PTPRA: variants seen among roughly 807,000 people sequenced by gnomAD.
The protein encoded by PTPRA is protein tyrosine phosphatase receptor type A.
In PTPRA, 25 loss-of-function variants were observed where a neutral mutation model predicts 104.8. The observed-to-expected ratio is 0.24, with a 90% CI of 0.17 to 0.33. The LOEUF (loss-of-function observed/expected upper bound fraction) is 0.33, where lower values mean the gene tolerates loss of function less well. Among genes scored for constraint, PTPRA ranks in the 10% least tolerant of loss-of-function variants. The pLI, the probability that PTPRA is intolerant of heterozygous loss-of-function variation, is 1.00. For missense variants in PTPRA, 765 were observed against 1,015.3 expected, an observed-to-expected ratio of 0.75 and a Z score of 3.35; for synonymous variants, 323 against 368.9, an observed-to-expected ratio of 0.88 and a Z score of 1.43.
At chr20:2,932,508 T>G (rs1399878545) in intron 2 of PTPRA, among the ~76,000 whole-genome samples, 2 of 152,100 alleles carry the variant, frequency 1.3e-5, no homozygotes, top group Non-Finnish European at 2.9e-5. Flanking sequence ...TGCATAATTT[T>G]AGGGGAAAGA....
chr20:3,006,321 G>A (rs985193116), intron 10 of PTPRA, among the ~76,000 whole-genome samples: 1 of 152,050 alleles, frequency 6.6e-6, no homozygotes, highest in African/African-American at 2.4e-5. Flanking sequence ...TGAGTAACTA[G>A]AACTACAGGT....
chr20:2,890,414 A>G (rs1323911561), intron 1 of PTPRA, among the ~76,000 whole-genome samples: 1 of 152,180 alleles, frequency 6.6e-6, no homozygotes, highest in African/African-American at 2.4e-5. Context: ...AAATGGGTTC[A>G]GCTGTAGTAC....
intron 5 of PTPRA, among the ~76,000 whole-genome samples, chr20:2,971,115 A>AGT (rs2062168582): frequency 1.3e-5 from 2 of 152,170 alleles, no homozygotes; most frequent in African/African-American, 4.8e-5. Flanking sequence ...TATCCAGTAA[A>AGT]ATGAGTCATT....
At chr20:3,010,570 G>T (rs910370893) in intron 11 of PTPRA, among the ~76,000 whole-genome samples, 2 of 152,140 alleles carry the variant, frequency 1.3e-5, no homozygotes, top group Non-Finnish European at 2.9e-5. Flanking sequence ...GGAGCTTGCA[G>T]TGAGCCGAGA....
At chr20:2,959,925 TG>T (rs2061686546) in intron 3 of PTPRA, among the ~76,000 whole-genome samples, 2 of 152,088 alleles carry the variant, frequency 1.3e-5, no homozygotes, top group African/African-American at 4.8e-5. Context: ...CACTCCAGCC[TG>T]GGCAACAGAG....
intron 1 of PTPRA, among the ~76,000 whole-genome samples, chr20:2,904,194 T>G (rs1035037824): frequency 1.3e-5 from 2 of 152,304 alleles, no homozygotes; most frequent in East Asian, 3.9e-4. Flanking sequence ...ATTACAGTTA[T>G]GAGCCATGGC....
At chr20:2,967,917 T>C (rs865856130) in intron 5 of PTPRA, among the ~76,000 whole-genome samples, 7 of 152,194 alleles carry the variant, frequency 4.6e-5, no homozygotes, top group African/African-American at 1.7e-4. Context: ...TCAAAACAGC[T>C]TTCTACAAAG....
intron 1 of PTPRA, among the ~76,000 whole-genome samples, chr20:2,901,127 C>T (rs1473674835): frequency 6.6e-6 from 1 of 151,944 alleles, no homozygotes; most frequent in East Asian, 2.0e-4. Context: ...CGCGACACCA[C>T]ACCTCGCTAA....
chr20:3,018,950 T>C (rs2064645943), intron 13 of PTPRA, among the ~76,000 whole-genome samples: 1 of 125,142 alleles, frequency 8.0e-6, no homozygotes, highest in East Asian at 2.9e-4. Flanking sequence ...GCCCCTCACC[T>C]CCCGGACGGG....
At chr20:2,880,950 T>C (rs2090009129) in intron 1 of PTPRA, among the ~76,000 whole-genome samples, 2 of 151,742 alleles carry the variant, frequency 1.3e-5, no homozygotes, top group African/African-American at 2.4e-5. Flanking sequence ...CAAGGCTGCA[T>C]TGAGCCATGA....
intron 5 of PTPRA, among the ~76,000 whole-genome samples, chr20:2,965,567 G>T (rs544591958): frequency 6.6e-6 from 1 of 151,606 alleles, no homozygotes; most frequent in African/African-American, 2.4e-5. Context: ...GGAGGGATCC[G>T]TGGAGACCAT....
chr20:2,910,007 A>G (rs1439148789), intron 1 of PTPRA, among the ~76,000 whole-genome samples: 2 of 54,324 alleles, frequency 3.7e-5, no homozygotes, highest in Non-Finnish European at 5.3e-5. Flanking sequence ...AATCTATCAT[A>G]TATCATATAT....
intron 1 of PTPRA, among the ~76,000 whole-genome samples, chr20:2,885,229 C>T (rs961402382): frequency 1.3e-5 from 2 of 152,066 alleles, no homozygotes; most frequent in Non-Finnish European, 2.9e-5. Flanking sequence ...TTAACTGTAG[C>T]CATCCTAGTA....
chr20:3,015,677 T>C (rs1341684824), intron 11 of PTPRA, among the ~76,000 whole-genome samples, 172 bp from the exon 12 acceptor site: 1 of 152,194 alleles, frequency 6.6e-6, no homozygotes, highest in African/African-American at 2.4e-5. Context: ...AGTTTTGTAA[T>C]CTCTAATTCC....
intron 11 of PTPRA, among the ~76,000 whole-genome samples, chr20:3,012,734 A>G (rs1483192344): frequency 6.6e-6 from 1 of 152,270 alleles, no homozygotes; most frequent in Non-Finnish European, 1.5e-5. Flanking sequence ...AAGCAAATTC[A>G]GAGGCCGTTT....
chr20:2,910,443 T>A (rs2059660992), intron 1 of PTPRA, among the ~76,000 whole-genome samples: 2 of 130,734 alleles, frequency 1.5e-5, no homozygotes, highest in Non-Finnish European at 3.1e-5. Context: ...ATATTATATA[T>A]AAGTAAAGTA....
intron 18 of PTPRA, 123 bp from the exon 19 acceptor site, chr20:3,026,998 A>G: frequency 8.8e-7 from 1 of 1,131,168 alleles, no homozygotes; most frequent in Non-Finnish European, 1.3e-6. Flanking sequence ...CTAATGAGCT[A>G]GGAACAGACA....
chr20:2,994,930 G>A (rs930792333), intron 9 of PTPRA, among the ~76,000 whole-genome samples: 1 of 152,304 alleles, frequency 6.6e-6, no homozygotes, highest in Admixed American at 6.5e-5. Flanking sequence ...AGGAGTTTGA[G>A]ACCAGCCTGA....
intron 5 of PTPRA, among the ~76,000 whole-genome samples, chr20:2,972,594 T>G (rs892155314): frequency 1.3e-5 from 2 of 152,258 alleles, no homozygotes; most frequent in African/African-American, 4.8e-5. Context: ...CTAGATATTC[T>G]CAAATTATCT....
Sources: allele counts gnomAD v4.1 joint callset (sites outside exome capture counted in the v4.1 genomes callset), GRCh38; gene constraint gnomAD v4.1.1; transcripts MANE v1.5; gene names NCBI Gene and HGNC (gene_info 2026-07-23, HGNC 2026-07-21).